PCGF5: variants seen among roughly 807,000 people sequenced by gnomAD.
PCGF5 encodes the protein polycomb group RING finger protein 5.
Under a neutral mutation model 44.3 loss-of-function variants are expected in PCGF5, and 9 were observed. That is an observed-to-expected ratio of 0.20 (90% CI 0.12 to 0.35). The LOEUF (loss-of-function observed/expected upper bound fraction) is 0.35. Ranked by LOEUF, PCGF5 falls within the 10% of genes least tolerant of loss-of-function variation. The pLI, the probability that PCGF5 is intolerant of heterozygous loss-of-function variation, is 1.00. For synonymous variants in PCGF5, 95 were observed against 102.5 expected (o/e 0.93, Z 0.44); for missense variants, 146 against 305.3 (o/e 0.48, Z 3.89).
At chr10:91,178,955 G>A (rs12416675) in intron 1 of PCGF5, among the ~76,000 whole-genome samples, 52,192 of 152,036 alleles carry the variant, frequency 0.34, 10,272 homozygotes, top group East Asian at 0.52. Flanking sequence ...CATCTTTTGG[G>A]GGAGCTTTTA....
At chr10:91,265,408 T>G (rs955744186) in intron 8 of PCGF5, among the ~76,000 whole-genome samples, 13 of 152,198 alleles carry the variant, frequency 8.5e-5, no homozygotes, top group African/African-American at 3.1e-4. Context: ...AAGGTTGGAG[T>G]AGATAACATC....
At chr10:91,226,171 C>T (rs973329682) in intron 2 of PCGF5, among the ~76,000 whole-genome samples, 1 of 150,834 alleles carries the variant, frequency 6.6e-6, no homozygotes, top group African/African-American at 2.4e-5. Context: ...TTTCGTCTTA[C>T]TATTCAAGTT....
chr10:91,219,743 G>T (rs1351709760), upstream of PCGF5, among the ~76,000 whole-genome samples: 1 of 152,170 alleles, frequency 6.6e-6, no homozygotes, highest in East Asian at 1.9e-4. Context: ...GTCAAAGTTT[G>T]ATTATAAAAT....
intron 6 of PCGF5, among the ~76,000 whole-genome samples, chr10:91,260,960 A>C (rs1206163929): frequency 1.3e-5 from 2 of 151,114 alleles, no homozygotes; most frequent in African/African-American, 4.9e-5. Flanking sequence ...AAAGCATAAT[A>C]ATAATAATAA....
chr10:91,266,288 C>T (rs1846047242), intron 8 of PCGF5, among the ~76,000 whole-genome samples: 1 of 152,150 alleles, frequency 6.6e-6, no homozygotes, highest in South Asian at 2.1e-4. Context: ...ACTGCACGAC[C>T]TCTACAAGTG....
chr10:91,278,648 A>G lies in PCGF5; in HGVS notation c.*332A>G, dbSNP rs556796687. ...TCCAAGATTGTTCTAATGTTTAATT[A>G]CACTAGTAAAATGGCTCAATTTTTG... On this transcript the variant is annotated 3_prime_UTR_variant, in exon 10 of 10. Coordinates refer to ENST00000336126, the MANE Select transcript of PCGF5 (RefSeq NM_032373.5). 8.2e-5 allele frequency: 21 copies of G among 255,618 alleles called. No homozygotes were observed. Among genetic ancestry groups the G allele is most frequent in the Non-Finnish European group, 1.5e-4 (20 of 134,940 alleles). The allele number at this position is 255,618 out of a possible 1,614,324, so 15.8% of individuals were successfully genotyped here. A position where few individuals can be genotyped will look rare whatever the true frequency, so the allele number is the denominator to read the frequency against.
intron 6 of PCGF5, among the ~76,000 whole-genome samples, chr10:91,254,969 C>A (rs1009677479): frequency 2.0e-5 from 3 of 152,054 alleles, no homozygotes; most frequent in African/African-American, 7.2e-5. Context: ...TCTGCAGTAG[C>A]CTTGAAAATA....
At chr10:91,221,601 T>C (rs1589376245) in intron 1 of PCGF5, among the ~76,000 whole-genome samples, 1 of 152,176 alleles carries the variant, frequency 6.6e-6, no homozygotes, top group African/African-American at 2.4e-5. Flanking sequence ...ACCTTTCCGG[T>C]TGCTTTATAT....
In PCGF5 at chr10:91,251,458, A is replaced by T. The variant is rs1333034994; in HGVS notation, c.474+18A>T. 6.2e-7 allele frequency: 1 copy of T among 1,605,570 alleles called. No individual in the cohort carries two copies. The highest frequency in any genetic ancestry group is 8.5e-7 in the Non-Finnish European group (1 of 1,174,812). On this transcript the variant is annotated intron_variant, in intron 6 of 9. Transcript: ENST00000336126. ...TAGTAAAGGTGAGTGAACAAGTACT[A>T]TGGTATTTTTATGATCAGTTTATAG...
At chr10:91,167,642 G>A (rs1326450410) in intron 1 of PCGF5, among the ~76,000 whole-genome samples, 1 of 152,220 alleles carries the variant, frequency 6.6e-6, no homozygotes, top group Non-Finnish European at 1.5e-5. Context: ...GCTGCATGGG[G>A]AGGGGAAATT....
At chr10:91,236,035 G>A (rs1371692400) in intron 2 of PCGF5, among the ~76,000 whole-genome samples, 1 of 152,124 alleles carries the variant, frequency 6.6e-6, no homozygotes, top group Non-Finnish European at 1.5e-5. Context: ...CCATGATCAT[G>A]CCACTGCCCT....
intron 1 of PCGF5, among the ~76,000 whole-genome samples, chr10:91,168,907 G>A (rs927175153): frequency 2.9e-5 from 4 of 136,184 alleles, no homozygotes; most frequent in Non-Finnish European, 4.6e-5. Flanking sequence ...CAGCCTGGGC[G>A]ACAGTGTGAG....
intron 1 of PCGF5, among the ~76,000 whole-genome samples, chr10:91,165,813 C>T (rs574962270): frequency 5.1e-4 from 78 of 152,168 alleles, no homozygotes; most frequent in African/African-American, 1.8e-3. Flanking sequence ...TTAATAATAT[C>T]CCTTTAGAGG....
chr10:91,231,519 T>C (rs1459371158), intron 2 of PCGF5, among the ~76,000 whole-genome samples: 1 of 152,130 alleles, frequency 6.6e-6, no homozygotes, highest in Non-Finnish European at 1.5e-5. Flanking sequence ...GATTAAAGAC[T>C]CTAAAGCAGG....
At chr10:91,178,185 A>G (rs1843747049) in intron 1 of PCGF5, among the ~76,000 whole-genome samples, 1 of 152,224 alleles carries the variant, frequency 6.6e-6, no homozygotes, top group Non-Finnish European at 1.5e-5. Flanking sequence ...CAGTATTATG[A>G]GATGGAAAAA....
intron 1 of PCGF5, among the ~76,000 whole-genome samples, chr10:91,178,395 C>CTTT (rs5786943): frequency 1.4e-5 from 2 of 143,544 alleles, no homozygotes; most frequent in African/African-American, 5.1e-5. Context: ...CTTTTCTTTT[C>CTTT]TTTTTTTTTT....
At chr10:91,228,383 GA>G (rs199568971) in intron 2 of PCGF5, among the ~76,000 whole-genome samples, 25 of 150,168 alleles carry the variant, frequency 1.7e-4, no homozygotes, top group Non-Finnish European at 3.0e-4. Flanking sequence ...TCTTTCCTCA[GA>G]AAAAAAAAGG....
intron 1 of PCGF5, among the ~76,000 whole-genome samples, chr10:91,187,692 A>G (rs911130773): frequency 2.0e-5 from 3 of 152,156 alleles, no homozygotes; most frequent in African/African-American, 7.2e-5. Flanking sequence ...TCAATGCTTC[A>G]TGTTTTCTTC....
rs1458523494 is a variant in PCGF5, at chr10:91,280,811, G to C, written c.*2495G>C. The C allele has an allele frequency of 6.6e-6, 1 of 152,154 alleles. No homozygotes were observed. Among genetic ancestry groups the C allele is most frequent in the Non-Finnish European group, 1.5e-5 (1 of 67,882 alleles). The allele number at this position is 152,154 out of a possible 1,614,324, so 9.4% of individuals were successfully genotyped here. Reference sequence around the variant, plus strand: ...AACTAGGTATAGAAAAAATGTACAGGCAACTTTTGTGGTTAGCTTTATAAA... The same window carrying C: ...AACTAGGTATAGAAAAAATGTACAGCCAACTTTTGTGGTTAGCTTTATAAA... On this transcript the variant is annotated 3_prime_UTR_variant, in exon 10 of 10. Coordinates refer to ENST00000336126, the MANE Select transcript of PCGF5 (RefSeq NM_032373.5).
Sources: gnomAD v4.1 joint callset for allele counts (sites outside exome capture counted in the v4.1 genomes callset) on GRCh38, gnomAD v4.1.1 for gene constraint, MANE v1.5 for transcripts, NCBI Gene and HGNC (gene_info 2026-07-23, HGNC 2026-07-21) for gene names.